Variants in AUTS2 observed in about 807,000 individuals in gnomAD.
The protein encoded by AUTS2 is activator of transcription and developmental regulator AUTS2, also known as autism susceptibility gene 2 protein.
Under a neutral mutation model 112.4 loss-of-function variants are expected in AUTS2, and 17 were observed. The ratio of observed to expected loss-of-function variants is 0.15; its 90% CI spans 0.10 to 0.23. The LOEUF (loss-of-function observed/expected upper bound fraction) is 0.23, where lower values mean the gene tolerates loss of function less well. Among genes scored for constraint, AUTS2 ranks in the 10% least tolerant of loss-of-function variants. The probability of loss-of-function intolerance (pLI) is 1.00; values close to 1 mark genes in which losing one functional copy is unlikely to be tolerated. For missense variants in AUTS2, 1,510 were observed against 1,701.6 expected (o/e 0.89, Z 1.98); for synonymous variants, 751 against 702.7 (o/e 1.07, Z -1.09).
chr7:70,501,183 A>G (rs1798758453), intron 5 of AUTS2, among the ~76,000 whole-genome samples: 1 of 152,252 alleles, frequency 6.6e-6, no homozygotes, highest in African/African-American at 2.4e-5. Flanking sequence ...ATCATTAAGC[A>G]TATCAATAAG....
In AUTS2 at chr7:70,338,444, GA is replaced by G. The variant is rs554276600; in HGVS notation, c.661-97306del. Among the ~76,000 whole-genome samples the G allele has an allele frequency of 1.5e-3, 224 of 152,302 alleles. 3 individuals carry two copies. The highest frequency in any genetic ancestry group is 5.1e-3 in the African/African-American group (214 of 41,564). ...ACTGTCTTTTAGGAAAATTTCACAA[GA>G]AGTTTTCTCTTTAAAGGTTGTGAGA... On this transcript the variant is annotated intron_variant, in intron 4 of 18. Transcript: ENST00000342771.
intron 5 of AUTS2, among the ~76,000 whole-genome samples, chr7:70,552,198 C>A (rs10486869): frequency 0.23 from 35,396 of 151,978 alleles, 4,213 homozygotes; most frequent in Middle Eastern, 0.3. Flanking sequence ...CTAATTTATA[C>A]GCAGTTCCAC....
intron 1 of AUTS2, among the ~76,000 whole-genome samples, chr7:69,795,405 C>T (rs754971372): frequency 1.3e-5 from 2 of 152,098 alleles, no homozygotes; most frequent in African/African-American, 2.4e-5. Flanking sequence ...TGTAGCCAGG[C>T]GGAGTGGCTC....
chr7:70,723,206 A>G (rs1056504657), intron 6 of AUTS2, among the ~76,000 whole-genome samples: 2 of 152,164 alleles, frequency 1.3e-5, no homozygotes, highest in African/African-American at 4.8e-5. Context: ...GTTTACACAC[A>G]TGTTCCTCCA....
chr7:70,250,187 T>G (rs1786521513), intron 4 of AUTS2, among the ~76,000 whole-genome samples: 1 of 152,082 alleles, frequency 6.6e-6, no homozygotes, highest in Non-Finnish European at 1.5e-5. Context: ...ATCTACTAAT[T>G]GGGTAACACC....
chr7:70,134,476 A>G, intron 3 of AUTS2, 60 bp from the exon 4 acceptor site: 1 of 1,469,760 alleles, frequency 6.8e-7, no homozygotes, highest in East Asian at 2.3e-5. Context: ...AGCTGTGTGG[A>G]TTGGAACGTG....
chr7:70,332,326 T>C (rs113804476), intron 4 of AUTS2, among the ~76,000 whole-genome samples: 404 of 152,174 alleles, frequency 2.7e-3, no homozygotes, highest in African/African-American at 9.1e-3. Flanking sequence ...CACAAACAGA[T>C]GGAAAAATAG....
intron 1 of AUTS2, among the ~76,000 whole-genome samples, chr7:69,697,639 G>A (rs1471906138): frequency 2.0e-5 from 3 of 152,150 alleles, no homozygotes; most frequent in African/African-American, 7.2e-5. Flanking sequence ...GTTTCCTCTC[G>A]TCCTTGACTT....
intron 2 of AUTS2, among the ~76,000 whole-genome samples, chr7:70,069,482 T>G (rs1447865183): frequency 1.3e-5 from 2 of 152,234 alleles, no homozygotes; most frequent in Non-Finnish European, 2.9e-5. Flanking sequence ...GCTGGGACTT[T>G]CATGTTTCTA....
chr7:70,028,193 C>T (rs942592165), intron 2 of AUTS2, among the ~76,000 whole-genome samples: 106 of 152,252 alleles, frequency 7.0e-4, no homozygotes, highest in African/African-American at 2.5e-3. Context: ...ACCTGGCTTC[C>T]TCCCTCTCTG....
intron 2 of AUTS2, among the ~76,000 whole-genome samples, chr7:69,998,050 C>A (rs1322422775): frequency 6.6e-6 from 1 of 152,124 alleles, no homozygotes; most frequent in African/African-American, 2.4e-5. Context: ...ATCCTGCCTT[C>A]ACAGTCATGG....
At chr7:70,315,406 T>A (rs984901345) in intron 4 of AUTS2, among the ~76,000 whole-genome samples, 14 of 152,184 alleles carry the variant, frequency 9.2e-5, no homozygotes, top group African/African-American at 2.9e-4. Context: ...CTGAGTATGT[T>A]TTCTCATACT....
At chr7:70,642,499 G>A in intron 5 of AUTS2, among the ~76,000 whole-genome samples, 1 of 152,028 alleles carries the variant, frequency 6.6e-6, no homozygotes, top group East Asian at 1.9e-4. Context: ...CCATTTCCTA[G>A]AGTTTGCCTT....
chr7:70,653,206 C>T (rs1806601026), intron 5 of AUTS2, among the ~76,000 whole-genome samples: 1 of 152,296 alleles, frequency 6.6e-6, no homozygotes, highest in South Asian at 2.1e-4. Context: ...CATGCCACTG[C>T]ACTCCAGCTT....
chr7:70,558,698 GTAC>G (rs1801352015), intron 5 of AUTS2, among the ~76,000 whole-genome samples: 1 of 152,302 alleles, frequency 6.6e-6, no homozygotes, highest in African/African-American at 2.4e-5. Context: ...AGGTGAAAAT[GTAC>G]TTATGAGAAA....
rs1003261375 is a variant in AUTS2 at position 70,657,335 on chromosome 7, C to G, written c.691-41234C>G. On this transcript the variant is annotated intron_variant, in intron 5 of 18. Coordinates refer to ENST00000342771, the MANE Select transcript of AUTS2 (RefSeq NM_015570.4). The stretch of plus-strand genomic sequence containing the variant: ...TATTTTTTCCGAAGAGGCAGGGGAG[C>G]TACTTCTTAGCAGAGTGAGCTGTAG... Among the ~76,000 whole-genome samples, 25 of 152,138 alleles carry G rather than the reference C, an allele frequency of 1.6e-4. 1 individual carries two copies. Among genetic ancestry groups the G allele is most frequent in the Admixed American group, 1.5e-3 (23 of 15,280 alleles).
chr7:70,020,743 G>A (rs1377824114), intron 2 of AUTS2, among the ~76,000 whole-genome samples: 2 of 151,720 alleles, frequency 1.3e-5, no homozygotes, highest in Admixed American at 6.6e-5. Flanking sequence ...CCATGTAGTG[G>A]CACAATCATA....
intron 1 of AUTS2, among the ~76,000 whole-genome samples, chr7:69,707,730 G>T (rs1798132103): frequency 6.6e-6 from 1 of 152,186 alleles, no homozygotes; most frequent in African/African-American, 2.4e-5. Context: ...ACTGTCAACT[G>T]GATGGAGTCC....
intron 1 of AUTS2, among the ~76,000 whole-genome samples, chr7:69,862,088 C>G (rs1447526931): frequency 2.0e-5 from 3 of 152,196 alleles, no homozygotes; most frequent in South Asian, 2.1e-4. Context: ...AAAGGACACT[C>G]TAGTTTCTTA....
Sources: gnomAD v4.1 joint callset for allele counts (sites outside exome capture counted in the v4.1 genomes callset) on GRCh38, gnomAD v4.1.1 for gene constraint, MANE v1.5 for transcripts, NCBI Gene and HGNC (gene_info 2026-07-23, HGNC 2026-07-21) for gene names.